The following SND1 variants were observed in gnomAD, a reference collection of about 807,000 sequenced individuals.
The protein encoded by SND1 is staphylococcal nuclease and tudor domain containing 1, also known as staphylococcal nuclease domain-containing protein 1.
A neutral mutation model predicts 121.7 loss-of-function variants in SND1; 38 were observed. The ratio of observed to expected loss-of-function variants is 0.31; its 90% confidence interval spans 0.24 to 0.41. The LOEUF (loss-of-function observed/expected upper bound fraction) is 0.41. Among genes scored for constraint, SND1 ranks in the 10% least tolerant of loss-of-function variants. The pLI, the probability that SND1 is intolerant of heterozygous loss-of-function variation, is 1.00. For missense variants in SND1, 868 were observed against 1,184.6 expected, an observed-to-expected ratio of 0.73 and a Z score of 3.92; for synonymous variants, 401 against 447.4, an observed-to-expected ratio of 0.90 and a Z score of 1.31.
intron 12 of SND1, chr7:127,858,037 A>C: frequency 7.1e-7 from 1 of 1,413,894 alleles, no homozygotes; most frequent in Non-Finnish European, 1.0e-6. Flanking sequence ...CATCACATCC[A>C]CCAGACCATC....
intron 16 of SND1, among the ~76,000 whole-genome samples, chr7:128,063,499 T>C (rs1269558217): frequency 6.6e-6 from 1 of 152,128 alleles, no homozygotes; most frequent in Non-Finnish European, 1.5e-5. Context: ...AAATAGGCCT[T>C]CTCCAGTCAG....
At position 127,829,195 on chromosome 7, in the gene SND1, C is replaced by G. The variant is rs1460593844; in HGVS notation, c.1243-15129C>G. 2.6e-5 allele frequency among the ~76,000 whole-genome samples: 4 copies of G among 152,262 alleles called. No individual in the cohort carries two copies. The East Asian group carries it at 5.8e-4, about 22-fold the overall frequency. ...CAAATGCAGCAGATGAGGGAAAAGCCTGTAGGGATCCTGCCCCCTGCCCCC... is the reference window on the plus strand; with the variant it reads ...CAAATGCAGCAGATGAGGGAAAAGCGTGTAGGGATCCTGCCCCCTGCCCCC... On this transcript the variant is annotated intron_variant, in intron 11 of 23. Transcript: ENST00000354725.
At chr7:127,895,405 A>G (rs1800099074) in intron 13 of SND1, among the ~76,000 whole-genome samples, 1 of 152,078 alleles carries the variant, frequency 6.6e-6, no homozygotes, top group South Asian at 2.1e-4. Context: ...ATGCCAGTAC[A>G]GGTTGAAAGC....
intron 8 of SND1, among the ~76,000 whole-genome samples, chr7:127,706,223 T>TG (rs1290041980): frequency 6.7e-6 from 1 of 150,330 alleles, no homozygotes; most frequent in Admixed American, 6.6e-5. Flanking sequence ...ATTTGATTTT[T>TG]TTTGCATTCT....
At chr7:127,801,491 A>C (rs770019098) in intron 10 of SND1, among the ~76,000 whole-genome samples, 3 of 152,156 alleles carry the variant, frequency 2.0e-5, no homozygotes, top group Non-Finnish European at 2.9e-5. Context: ...ACCAACTCTC[A>C]GTACCACATC....
intron 16 of SND1, among the ~76,000 whole-genome samples, chr7:128,001,092 C>T (rs1203283635): frequency 1.3e-5 from 2 of 152,164 alleles, no homozygotes; most frequent in African/African-American, 4.8e-5. Context: ...CTACTCCACC[C>T]GTGACGGTTT....
chr7:128,029,658 C>A lies in SND1; in HGVS notation c.1779+38602C>A. 1 of 1,613,898 alleles carries A rather than the reference C, an allele frequency of 6.2e-7. No homozygotes were observed. Among genetic ancestry groups the A allele is most frequent in the South Asian group, 1.1e-5 (1 of 91,070 alleles). ...TCGCATGTGCATGGGAGCATGACAG[C>A]GGCCACAGCAGGTGGAATTGGTGGG... On this transcript the variant is annotated intron_variant, in intron 16 of 23. Coordinates refer to ENST00000354725, the MANE Select transcript of SND1 (RefSeq NM_014390.4). The surrounding 1 kb of genome is among the most constrained non-coding windows in gnomAD (Gnocchi z 4.2).
intron 12 of SND1, among the ~76,000 whole-genome samples, chr7:127,883,236 C>G (rs1043797119): frequency 6.6e-6 from 1 of 152,030 alleles, no homozygotes; most frequent in Non-Finnish European, 1.5e-5. Context: ...GTAGTGAAAC[C>G]GTGGGGTCCA....
chr7:127,730,017 G>A (rs1796646516), intron 10 of SND1, among the ~76,000 whole-genome samples: 1 of 152,172 alleles, frequency 6.6e-6, no homozygotes, highest in African/African-American at 2.4e-5. Context: ...AGGCTGTAGT[G>A]CAATGTGGCG....
Position 128,029,788 on chromosome 7 carries a change from G to C in SND1, c.1779+38732G>C, listed in dbSNP as rs374047267. 8.7e-6 allele frequency: 14 copies of C among 1,613,998 alleles called. No homozygotes were observed. Among genetic ancestry groups the C allele is most frequent in the Non-Finnish European group, 1.2e-5 (14 of 1,180,044 alleles). The stretch of plus-strand genomic sequence containing the variant: ...ACCAGGTACCTCAGCGGGGTAAAGA[G>C]GTCATGGGGCAAAGAAGAGAGGTTA... On this transcript the variant is annotated intron_variant, in intron 16 of 23. Coordinates refer to ENST00000354725, the MANE Select transcript of SND1 (RefSeq NM_014390.4). This position sits in a 1 kb window ranked among gnomAD's most constrained non-coding sequence, Gnocchi z 4.2.
intron 21 of SND1, among the ~76,000 whole-genome samples, chr7:128,088,386 A>G (rs1341528320): frequency 2.0e-5 from 3 of 149,472 alleles, no homozygotes; most frequent in Non-Finnish European, 4.4e-5. Flanking sequence ...GCTCGAGCCC[A>G]CAAGTTCAAG....
At chr7:127,966,697 C>G (rs1369852751) in intron 15 of SND1, among the ~76,000 whole-genome samples, 1 of 104,468 alleles carries the variant, frequency 9.6e-6, no homozygotes, top group Non-Finnish European at 1.9e-5. Context: ...GGGACACATT[C>G]AAAGCAGTGT....
At chr7:127,837,803 A>C (rs886248941) in intron 11 of SND1, among the ~76,000 whole-genome samples, 1 of 152,266 alleles carries the variant, frequency 6.6e-6, no homozygotes, top group African/African-American at 2.4e-5. Flanking sequence ...ATTAAGGAGC[A>C]CTTTGTATGG....
intron 9 of SND1, among the ~76,000 whole-genome samples, chr7:127,709,521 G>A (rs1014780120): frequency 1.3e-5 from 2 of 152,164 alleles, no homozygotes; most frequent in African/African-American, 4.8e-5. Flanking sequence ...CTAAAGCACT[G>A]CATAAGAACA....
At chr7:128,080,162 T>G (rs1030819931) in intron 17 of SND1, among the ~76,000 whole-genome samples, 42 of 152,352 alleles carry the variant, frequency 2.8e-4, no homozygotes, top group African/African-American at 9.1e-4. Context: ...TAATCATCCT[T>G]ATTCCTGTGT....
rs116097926 is a variant in SND1 at position 127,978,499 on chromosome 7, A to C, written c.1670-12448A>C. ...GTATGCTTTGAATGGGGAAATATGCATCTGTGGGAGGACAGTGGGAATAAA... is the reference window on the plus strand; with the variant it reads ...GTATGCTTTGAATGGGGAAATATGCCTCTGTGGGAGGACAGTGGGAATAAA... On this transcript the variant is annotated intron_variant, in intron 15 of 23. Coordinates refer to ENST00000354725, the MANE Select transcript of SND1 (RefSeq NM_014390.4). Among the ~76,000 whole-genome samples, 781 of 152,240 alleles carry C rather than the reference A, an allele frequency of 5.1e-3. 5 individuals carry two copies. The highest frequency in any genetic ancestry group is 0.018 in the African/African-American group (753 of 41,526).
intron 1 of SND1, among the ~76,000 whole-genome samples, chr7:127,665,406 G>C (rs1032527959): frequency 5.3e-5 from 8 of 151,918 alleles, no homozygotes; most frequent in Admixed American, 2.6e-4. Context: ...CCAGGATAGT[G>C]TCAATCTCCT....
chr7:127,703,347 G>A, intron 7 of SND1, 24 bp downstream of exon 7: 2 of 1,612,238 alleles, frequency 1.2e-6, no homozygotes, highest in Admixed American at 1.7e-5. Flanking sequence ...TGCAGACTGG[G>A]TGGTGATGGG....
chr7:127,838,042 C>T (rs923523440), intron 11 of SND1, among the ~76,000 whole-genome samples: 3 of 152,114 alleles, frequency 2.0e-5, no homozygotes, highest in South Asian at 2.1e-4. Context: ...AAGCTAATTC[C>T]AATTGGCTAT....
Sources: gnomAD v4.1 joint callset for allele counts (sites outside exome capture counted in the v4.1 genomes callset) on GRCh38, gnomAD v4.1.1 for gene constraint, Gnocchi (gnomAD v3.1) non-coding constraint, MANE v1.5 for transcripts, NCBI Gene and HGNC (gene_info 2026-07-23, HGNC 2026-07-21) for gene names.